FANCA: variants seen among roughly 807,000 people sequenced by gnomAD.
FANCA encodes the protein FA complementation group A.
Under a neutral mutation model 194.3 loss-of-function variants are expected in FANCA, and 236 were observed. The ratio of observed to expected loss-of-function variants is 1.21; its 90% CI spans 1.09 to 1.35. The LOEUF (loss-of-function observed/expected upper bound fraction) is 1.35, where lower values mean the gene tolerates loss of function less well. FANCA is among the 40% of genes most tolerant of loss of function. The pLI, the probability that FANCA is intolerant of heterozygous loss-of-function variation, is 0.00. For synonymous variants in FANCA, 1,014 were observed against 715.8 expected (o/e 1.42, Z -6.65); for missense variants, 2,628 against 1,813.9 (o/e 1.45, Z -8.15).
At chr16:89,747,204 G>A (rs1173993848) in intron 33 of FANCA, among the ~76,000 whole-genome samples, 1 of 152,218 alleles carries the variant, frequency 6.6e-6, no homozygotes, top group Middle Eastern at 3.2e-3. Flanking sequence ...TAGAACTGTG[G>A]TGAGGACGAC....
Position 89,791,542 on chromosome 16 carries a change from T to A in FANCA, c.1226-6A>T, listed in dbSNP as rs200953509. 14 of 1,613,802 alleles carry A rather than the reference T, an allele frequency of 8.7e-6. No homozygotes were observed. Among genetic ancestry groups the A allele is most frequent in the Non-Finnish European group, 1.2e-5 (14 of 1,180,002 alleles). On this transcript the variant is annotated splice_region_variant and splice_polypyrimidine_tract_variant and intron_variant, in intron 13 of 42. Transcript: ENST00000389301. ...CATCAAACGCGCCACCCAGTCTAGTTAAGAACCATGACATAGTCACAGCAA... is the reference window on the plus strand; with the variant it reads ...CATCAAACGCGCCACCCAGTCTAGTAAAGAACCATGACATAGTCACAGCAA...
intron 25 of FANCA, 22 bp downstream of exon 25, chr16:89,770,144 C>A: frequency 7.0e-6 from 11 of 1,575,622 alleles, no homozygotes; most frequent in Non-Finnish European, 9.5e-6. Flanking sequence ...CCAAGGGTGG[C>A]CCCCATGAAG....
chr16:89,779,129 G>A (rs959092403), intron 18 of FANCA, 126 bp from the exon 19 acceptor site: 1 of 863,802 alleles, frequency 1.2e-6, no homozygotes, highest in Non-Finnish European at 1.9e-6. Flanking sequence ...GCATTATGAA[G>A]TCTTCTTGTG....
Position 89,805,482 on chromosome 16 carries a change from G to C in FANCA, c.597-90C>G, listed in dbSNP as rs1389778851. On this transcript the variant is annotated intron_variant, in intron 6 of 42. Transcript: ENST00000389301. ...AGCCATATGTCCCAATTTTTTTTTT[G>C]AGACAGTTTTTTGCTGTCACTGAGG... 3.1e-6 allele frequency: 3 copies of C among 976,426 alleles called. No homozygotes were observed. The African/African-American group carries it at 4.9e-5, about 16-fold the overall frequency. The allele number at this position is 976,426 out of a possible 1,614,324, so 60.5% of individuals were successfully genotyped here.
At chr16:89,793,777 G>A (rs1351338798) in intron 11 of FANCA, among the ~76,000 whole-genome samples, 1 of 152,058 alleles carries the variant, frequency 6.6e-6, no homozygotes, top group Non-Finnish European at 1.5e-5. Flanking sequence ...TTGATGCTGA[G>A]TCTCACTCTG....
chr16:89,769,380 C>A (rs565308418), intron 26 of FANCA, among the ~76,000 whole-genome samples: 6 of 152,282 alleles, frequency 3.9e-5, no homozygotes, highest in African/African-American at 1.4e-4. Flanking sequence ...CATTCTTAAC[C>A]ACAGGGTCCT....
At chr16:89,777,049 A>G (rs1283855471) in intron 20 of FANCA, among the ~76,000 whole-genome samples, 2 of 152,116 alleles carry the variant, frequency 1.3e-5, no homozygotes, top group Non-Finnish European at 2.9e-5. Context: ...GTGTCCTCAA[A>G]GCATTTACAA....
At position 89,740,003 on chromosome 16, in the gene FANCA, T is replaced by G; in HGVS notation, c.3925A>C (p.Thr1309Pro). The G allele has an allele frequency of 6.2e-7, 1 of 1,614,134 alleles. No homozygotes were observed. Residue 1309 changes from threonine (T) to proline (P), a missense_variant, in exon 39 of 43, where the codon ACA (threonine) becomes CCA (proline). By Grantham distance (38) the Thr-to-Pro change is conservative. Coordinates refer to ENST00000389301, the MANE Select transcript of FANCA (RefSeq NM_000135.4). ...GCAGCGTGTTTCTTACCACTCTCTG[T>G]CAACTGAAAGAGTGCCAGCCAGGAT... Reference protein sequence around the residue: ...KISWLALFQLTESDLRLGRLL... With the variant: ...KISWLALFQLPESDLRLGRLL...
intron 7 of FANCA, among the ~76,000 whole-genome samples, chr16:89,804,423 C>T (rs2040562144): frequency 1.3e-5 from 2 of 152,244 alleles, no homozygotes; most frequent in Non-Finnish European, 2.9e-5. Context: ...GGTGGTGGGG[C>T]GGTTCTCTAG....
In FANCA at chr16:89,737,778, C is replaced by T. The variant is rs2061991059; in HGVS notation, c.*823G>A. 2 of 1,614,034 alleles carry T rather than the reference C, an allele frequency of 1.2e-6. No individual in the cohort carries two copies. The highest frequency in any genetic ancestry group is 8.5e-7 in the Non-Finnish European group (1 of 1,179,976). On this transcript the variant is annotated 3_prime_UTR_variant, in exon 43 of 43. Transcript: ENST00000389301. ...CCCGGGAGGTTGGAGCATCAGGGGC[C>T]TGGACTCACTGGACTCTCCCCTCTC... is the stretch of plus-strand genomic sequence containing the variant.
intron 27 of FANCA, among the ~76,000 whole-genome samples, chr16:89,765,841 T>G (rs2039108583): frequency 6.6e-6 from 1 of 152,198 alleles, no homozygotes; most frequent in Admixed American, 6.5e-5. Context: ...ACAAAGTTCC[T>G]CAGAGGAAAT....
intron 14 of FANCA, among the ~76,000 whole-genome samples, chr16:89,786,143 C>T (rs1466879205): frequency 1.3e-5 from 2 of 150,756 alleles, no homozygotes; most frequent in Non-Finnish European, 1.5e-5. Context: ...CTCTGCCTCC[C>T]AAGTAGCTGG....
chr16:89,737,833 G>A lies in FANCA; in HGVS notation c.*768C>T. The A allele has an allele frequency of 1.2e-6, 2 of 1,614,200 alleles. No homozygotes were observed. Among genetic ancestry groups the A allele is most frequent in the Non-Finnish European group, 1.7e-6 (2 of 1,180,038 alleles). On this transcript the variant is annotated 3_prime_UTR_variant, in exon 43 of 43. Coordinates refer to ENST00000389301, the MANE Select transcript of FANCA (RefSeq NM_000135.4). Reference sequence around the variant, plus strand: ...GTGCGGAACTATATCTGTGACGAATGTGGACAAACCTTCAAGCAGCGGAAG... The same window carrying A: ...GTGCGGAACTATATCTGTGACGAATATGGACAAACCTTCAAGCAGCGGAAG...
chr16:89,814,934 T>C (rs1175129803), intron 2 of FANCA, among the ~76,000 whole-genome samples: 1 of 151,956 alleles, frequency 6.6e-6, no homozygotes, highest in African/African-American at 2.4e-5. Context: ...GTGTGAGACT[T>C]TGTCTCAAAA....
chr16:89,763,896 G>C (rs2039036142), intron 28 of FANCA, among the ~76,000 whole-genome samples: 1 of 147,668 alleles, frequency 6.8e-6, no homozygotes, highest in Non-Finnish European at 1.5e-5. Flanking sequence ...TTGCGCCACT[G>C]TGCCCCAGAG....
intron 29 of FANCA, among the ~76,000 whole-genome samples, chr16:89,760,234 G>A (rs374063118): frequency 1.1e-4 from 17 of 152,246 alleles, no homozygotes; most frequent in Admixed American, 1.0e-3. Flanking sequence ...GAGGAGAAAC[G>A]GGGGTGAGTG....
chr16:89,764,034 G>A (rs552085061), intron 28 of FANCA, among the ~76,000 whole-genome samples: 1 of 151,832 alleles, frequency 6.6e-6, no homozygotes, highest in African/African-American at 2.4e-5. Context: ...TTGAGGCCAG[G>A]AGTTTAAGAC....
chr16:89,765,215 A>T, intron 27 of FANCA, 149 bp from the exon 28 acceptor site: 2 of 923,450 alleles, frequency 2.2e-6, no homozygotes, highest in Non-Finnish European at 3.4e-6. Context: ...GGGAGGGCGC[A>T]ATACACGACC....
chr16:89,740,328 T>C, intron 38 of FANCA: 1 of 565,886 alleles, frequency 1.8e-6, no homozygotes, highest in Non-Finnish European at 3.2e-6. Context: ...CACCACGTCC[T>C]CAAATAAGAC....
Sources: allele counts gnomAD v4.1 joint callset (sites outside exome capture counted in the v4.1 genomes callset), GRCh38; gene constraint gnomAD v4.1.1; transcripts MANE v1.5; gene names NCBI Gene and HGNC (gene_info 2026-07-23, HGNC 2026-07-21).